The following MCPH1 variants were observed in gnomAD, a reference collection of about 807,000 sequenced individuals.
MCPH1 encodes microcephalin 1.
A neutral mutation model predicts 84.5 loss-of-function variants in MCPH1; 104 were observed. The observed-to-expected ratio is 1.23, with a 90% CI of 1.05 to 1.45. The LOEUF (loss-of-function observed/expected upper bound fraction) is 1.45. MCPH1 is among the 40% of genes most tolerant of loss of function. MCPH1 has a pLI of 0.00. For synonymous variants in MCPH1, 514 were observed against 366.8 expected (o/e 1.40, Z -4.58); for missense variants, 1,498 against 1,005.7 (o/e 1.49, Z -6.62).
intron 12 of MCPH1, chr8:6,617,256 T>TGTG (rs1554480500): frequency 8.9e-6 from 1 of 112,886 alleles, no homozygotes; most frequent in Admixed American, 9.4e-5. Context: ...GGTTTTTTGG[T>TGTG]GGGGGGGGGG....
chr8:6,636,238 G>A (rs894856224), intron 13 of MCPH1, among the ~76,000 whole-genome samples: 11 of 152,122 alleles, frequency 7.2e-5, no homozygotes, highest in Admixed American at 3.3e-4. Context: ...TACTTGGGAG[G>A]CTGAGGCAGG....
chr8:6,425,569 T>C (rs1390900508), intron 3 of MCPH1, among the ~76,000 whole-genome samples: 1 of 152,180 alleles, frequency 6.6e-6, no homozygotes, highest in Non-Finnish European at 1.5e-5. Context: ...GCACCTTACA[T>C]CTTATCACTC....
chr8:6,458,156 A>C (rs1159751979), intron 9 of MCPH1, among the ~76,000 whole-genome samples: 1 of 152,178 alleles, frequency 6.6e-6, no homozygotes, highest in Non-Finnish European at 1.5e-5. Flanking sequence ...TTAGACTCTA[A>C]AATTAAAGAC....
intron 11 of MCPH1, among the ~76,000 whole-genome samples, chr8:6,489,503 AC>A (rs138558000): frequency 6.6e-6 from 1 of 152,330 alleles, no homozygotes; most frequent in East Asian, 1.9e-4. Context: ...GTTGTCAGAG[AC>A]CTTGAAAAAA....
chr8:6,640,756 C>T (rs1797889591), intron 13 of MCPH1, among the ~76,000 whole-genome samples: 1 of 152,192 alleles, frequency 6.6e-6, no homozygotes, highest in South Asian at 2.1e-4. Context: ...GCCTTCCTCA[C>T]CCTCTGAGCT....
At chr8:6,598,449 G>C (rs1280182601) in intron 12 of MCPH1, among the ~76,000 whole-genome samples, 1 of 152,146 alleles carries the variant, frequency 6.6e-6, no homozygotes, top group South Asian at 2.1e-4. Context: ...GAGAAGAAGG[G>C]GATGGGGTGG....
chr8:6,562,578 T>TTTTTTTTAA, intron 12 of MCPH1: 1 of 880,188 alleles, frequency 1.1e-6, no homozygotes, highest in Non-Finnish European at 1.6e-6. Context: ...TTTTGGTTGT[T>TTTTTTTTAA]AAAACCTGAG....
At position 6,566,957 on chromosome 8, in the gene MCPH1, A is replaced by C. The variant is rs571676613; in HGVS notation, c.2215-54497A>C. Among the ~76,000 whole-genome samples, 1,262 of 144,468 alleles carry C rather than the reference A, an allele frequency of 8.7e-3. 47 individuals are homozygous for C. Among genetic ancestry groups the C allele is most frequent in the African/African-American group, 0.031 (1,160 of 37,036 alleles). 94.8% of individuals were successfully genotyped at this position (144,468 alleles called of 152,430 possible). A position where few individuals can be genotyped will look rare whatever the true frequency, so the allele number is the denominator to read the frequency against. ...GGTGCGGTGACCGTGTGTGATCGGC[A>C]AGGCCATGGATAGTACACGCGGTGC... is the stretch of plus-strand genomic sequence containing the variant. On this transcript the variant is annotated intron_variant, in intron 12 of 13. Coordinates refer to ENST00000344683, the MANE Select transcript of MCPH1 (RefSeq NM_024596.5).
chr8:6,624,205 G>GTTCTC (rs1407449824), intron 13 of MCPH1, among the ~76,000 whole-genome samples: 1 of 152,250 alleles, frequency 6.6e-6, no homozygotes, highest in Non-Finnish European at 1.5e-5. Context: ...GCCCTTCAGA[G>GTTCTC]TTCTCTGACT....
chr8:6,576,814 C>T (rs887295469), intron 12 of MCPH1, among the ~76,000 whole-genome samples: 9 of 146,768 alleles, frequency 6.1e-5, no homozygotes, highest in Non-Finnish European at 8.9e-5. Context: ...CCACCCGCCT[C>T]GGCCTCCTAA....
chr8:6,556,852 G>A (rs893427193), intron 12 of MCPH1, among the ~76,000 whole-genome samples: 1 of 152,106 alleles, frequency 6.6e-6, no homozygotes, highest in African/African-American at 2.4e-5. Flanking sequence ...GCCTCTCAAA[G>A]CTCTAGGATT....
chr8:6,504,101 G>A (rs1242486190), intron 12 of MCPH1, among the ~76,000 whole-genome samples: 1 of 152,072 alleles, frequency 6.6e-6, no homozygotes, highest in African/African-American at 2.4e-5. Context: ...GGTGGATCAC[G>A]AGATCAGGAG....
intron 12 of MCPH1, chr8:6,501,097 A>G (rs1021857181): frequency 6.6e-6 from 1 of 152,216 alleles, no homozygotes; most frequent in Non-Finnish European, 1.5e-5. Flanking sequence ...TATAAAGTAG[A>G]TACAGTTCTA....
chr8:6,479,194 G>A (rs113362146), intron 10 of MCPH1, among the ~76,000 whole-genome samples: 12 of 152,228 alleles, frequency 7.9e-5, no homozygotes, highest in African/African-American at 2.4e-4. Flanking sequence ...TTGAGCCCTG[G>A]AGATCAAGGA....
Position 6,409,334 on chromosome 8 carries a change from G to T in MCPH1, c.78G>T (p.Lys26Asn). 1.2e-6 allele frequency: 2 copies of T among 1,614,068 alleles called. No homozygotes were observed. Among genetic ancestry groups the T allele is most frequent in the Non-Finnish European group, 1.7e-6 (2 of 1,179,964 alleles). Residue 26 changes from lysine (K) to asparagine (N), a missense_variant, in exon 2 of 14, where the codon AAG (lysine) becomes AAT (asparagine). Lys to Asn is a moderately conservative substitution (Grantham distance 94, BLOSUM62 0). Transcript: ENST00000344683. ...CCAATGGAACAGAAAATTATTCAAA[G>T]ACATTTACAACACAGCTTGTGGATA... is the stretch of plus-strand genomic sequence containing the variant. ...WSSNGTENYS[K>N]TFTTQLVDMG...
intron 11 of MCPH1, among the ~76,000 whole-genome samples, chr8:6,490,750 G>A (rs1810471177): frequency 6.6e-6 from 1 of 152,042 alleles, no homozygotes; most frequent in Admixed American, 6.6e-5. Context: ...AATTTGTTAG[G>A]CTGTCCTTAA....
rs746297781 is a variant in MCPH1, at chr8:6,439,144, A to C, written c.580+48A>C. Reference sequence around the variant, plus strand: ...GAAAATTATGCAAATAGCCGATTCAATTATGGTGGAAAGCTTCTTTTTTCT... The same window carrying C: ...GAAAATTATGCAAATAGCCGATTCACTTATGGTGGAAAGCTTCTTTTTTCT... On this transcript the variant is annotated intron_variant, in intron 6 of 13. Coordinates refer to ENST00000344683, the MANE Select transcript of MCPH1 (RefSeq NM_024596.5). 5.1e-6 allele frequency: 8 copies of C among 1,565,492 alleles called. No homozygotes were observed. In the Admixed American group the frequency reaches 1.2e-4, roughly 23 times the overall value.
intron 9 of MCPH1, among the ~76,000 whole-genome samples, chr8:6,468,903 T>G (rs1807343279): frequency 1.3e-5 from 2 of 152,102 alleles, no homozygotes; most frequent in Admixed American, 1.3e-4. Flanking sequence ...ATAAGAAAGC[T>G]AAAGGCTGAG....
chr8:6,578,002 T>C (rs1199639780), intron 12 of MCPH1, among the ~76,000 whole-genome samples: 3 of 152,228 alleles, frequency 2.0e-5, no homozygotes, highest in Non-Finnish European at 4.4e-5. Flanking sequence ...ATGTCCTGCA[T>C]CTCTGAATTT....
Sources: allele counts gnomAD v4.1 joint callset (sites outside exome capture counted in the v4.1 genomes callset), GRCh38; gene constraint gnomAD v4.1.1; transcripts MANE v1.5; gene names NCBI Gene and HGNC (gene_info 2026-07-23, HGNC 2026-07-21).